ABCA12: variants seen among roughly 807,000 people sequenced by gnomAD.
The protein encoded by ABCA12 is ATP binding cassette subfamily A member 12, also known as glucosylceramide transporter ABCA12.
A neutral mutation model predicts 293.5 loss-of-function variants in ABCA12; 156 were observed. The observed-to-expected ratio is 0.53, with a 90% CI of 0.47 to 0.61. The LOEUF is 0.61. Ranked by LOEUF, ABCA12 falls within the 20% of genes least tolerant of loss-of-function variation. The pLI, the probability that ABCA12 is intolerant of heterozygous loss-of-function variation, is 0.00. For synonymous variants in ABCA12, 1,063 were observed against 1,108.0 expected, an observed-to-expected ratio of 0.96 and a Z score of 0.81; for missense variants, 2,797 against 3,090.2, an observed-to-expected ratio of 0.91 and a Z score of 2.25.
In ABCA12 at chr2:214,948,533, TGGGGG is replaced by T. The variant is rs1275675166; in HGVS notation, c.7104+58_7104+62del. On this transcript the variant is annotated intron_variant, in intron 47 of 52. Transcript: ENST00000272895. Reference sequence around the variant, plus strand: ...AGGGGGGACAGTGGGTGTGGTGGGGTGGGGGATGGAAGTAGAAACAATAATGGTTT... The same window carrying T: ...AGGGGGGACAGTGGGTGTGGTGGGGTATGGAAGTAGAAACAATAATGGTTT... 1.8e-5 allele frequency: 27 copies of T among 1,510,844 alleles called. No individual in the cohort carries two copies. The East Asian group carries it at 6.4e-4, about 36-fold the overall frequency. The allele number at this position is 1,510,844 out of a possible 1,614,324, so 93.6% of individuals were successfully genotyped here. A position where few individuals can be genotyped will look rare whatever the true frequency, so the allele number is the denominator to read the frequency against.
rs376830655 is a variant in ABCA12, at chr2:214,975,633, G to A, written c.5381+152C>T. 2.8e-6 allele frequency: 3 copies of A among 1,067,176 alleles called. No homozygotes were observed. In the South Asian group the frequency reaches 4.4e-5, roughly 15 times the overall value. 66.1% of individuals were successfully genotyped at this position (1,067,176 alleles called of 1,614,324 possible). On this transcript the variant is annotated intron_variant, in intron 34 of 52. Coordinates refer to ENST00000272895, the MANE Select transcript of ABCA12 (RefSeq NM_173076.3). ...TTGTTGGCAATAGAAGTAACATATT[G>A]CAATCAATCAAACTGTTCATTCCTT...
intron 45 of ABCA12, 105 bp downstream of exon 45, chr2:214,950,774 A>C: frequency 2.4e-6 from 3 of 1,269,514 alleles, no homozygotes; most frequent in Non-Finnish European, 1.1e-6. Context: ...CAAAGTGCTA[A>C]GATTACAGGT....
At chr2:215,040,655 G>A (rs952427241) in intron 7 of ABCA12, among the ~76,000 whole-genome samples, 1 of 151,402 alleles carries the variant, frequency 6.6e-6, no homozygotes, top group Non-Finnish European at 1.5e-5. Flanking sequence ...CCAAAAATAC[G>A]AAAAAAATTA....
chr2:215,131,942 T>A (rs1703068693), intron 1 of ABCA12, among the ~76,000 whole-genome samples: 2 of 151,940 alleles, frequency 1.3e-5, no homozygotes, highest in Non-Finnish European at 2.9e-5. Context: ...TGTGTCTTTA[T>A]TTTTATTTGT....
chr2:215,076,965 T>C (rs1701847483), intron 2 of ABCA12, among the ~76,000 whole-genome samples: 1 of 152,038 alleles, frequency 6.6e-6, no homozygotes, highest in Admixed American at 6.6e-5. Context: ...AAACATGTAG[T>C]AAAAAATATA....
intron 34 of ABCA12, among the ~76,000 whole-genome samples, chr2:214,975,553 A>C (rs1310124399): frequency 2.6e-5 from 4 of 152,236 alleles, no homozygotes; most frequent in African/African-American, 9.6e-5. Flanking sequence ...ATTATAAATA[A>C]ATATCTACTA....
chr2:215,119,121 C>CCA (rs1199992920), intron 1 of ABCA12, among the ~76,000 whole-genome samples: 2 of 152,166 alleles, frequency 1.3e-5, no homozygotes, highest in African/African-American at 2.4e-5. Context: ...CAGGCATGTG[C>CCA]CACCACGCCT....
At chr2:214,968,678 T>G in intron 38 of ABCA12, 42 bp downstream of exon 38, 1 of 1,568,352 alleles carries the variant, frequency 6.4e-7, no homozygotes, top group Non-Finnish European at 8.8e-7. Flanking sequence ...CAATTTCACC[T>G]TCTCATTTGT....
At chr2:215,067,522 T>C (rs1230774343) in intron 2 of ABCA12, among the ~76,000 whole-genome samples, 1 of 152,072 alleles carries the variant, frequency 6.6e-6, no homozygotes, top group Non-Finnish European at 1.5e-5. Context: ...TTCCCAAAAG[T>C]CTCATCCCAG....
chr2:215,039,497 T>C (rs1701054388), intron 7 of ABCA12, among the ~76,000 whole-genome samples: 1 of 152,198 alleles, frequency 6.6e-6, no homozygotes, highest in African/African-American at 2.4e-5. Flanking sequence ...GGCTCATGCC[T>C]GTATTCCCAG....
chr2:215,017,300 C>A (rs1483451397), intron 14 of ABCA12, among the ~76,000 whole-genome samples: 1 of 152,092 alleles, frequency 6.6e-6, no homozygotes, highest in Non-Finnish European at 1.5e-5. Flanking sequence ...CACTTCCAGA[C>A]AATGGACTTG....
chr2:215,110,003 A>G (rs1305486529), intron 2 of ABCA12, among the ~76,000 whole-genome samples: 1 of 152,224 alleles, frequency 6.6e-6, no homozygotes, highest in African/African-American at 2.4e-5. Context: ...GCTACTTAAG[A>G]TATGTAGAAA....
At chr2:215,053,746 A>G (rs528881315) in intron 4 of ABCA12, among the ~76,000 whole-genome samples, 10 of 152,176 alleles carry the variant, frequency 6.6e-5, no homozygotes, top group African/African-American at 2.2e-4. Context: ...AGCACCAATC[A>G]TATTTCAACG....
At chr2:215,067,931 A>T (rs1701667151) in intron 2 of ABCA12, among the ~76,000 whole-genome samples, 1 of 152,212 alleles carries the variant, frequency 6.6e-6, no homozygotes, top group Non-Finnish European at 1.5e-5. Context: ...AGAATTACAA[A>T]AAGAATCAGT....
intron 29 of ABCA12, 98 bp from the exon 30 acceptor site, chr2:214,982,481 C>A: frequency 1.1e-6 from 1 of 927,696 alleles, no homozygotes; most frequent in Non-Finnish European, 1.7e-6. Flanking sequence ...CACTAGGTAA[C>A]TATTATGTGC....
intron 51 of ABCA12, among the ~76,000 whole-genome samples, chr2:214,934,650 T>C (rs1190891960): frequency 6.6e-6 from 1 of 152,180 alleles, no homozygotes; most frequent in Admixed American, 6.5e-5. Context: ...GACAGTAGAC[T>C]TCAAAAGCAT....
At chr2:214,978,566 A>T in intron 32 of ABCA12, 100 bp from the exon 33 acceptor site, 1 of 1,441,194 alleles carries the variant, frequency 6.9e-7, no homozygotes, top group Non-Finnish European at 9.5e-7. Context: ...ACATTTACTG[A>T]GACAAATTTT....
At chr2:215,071,196 CAAATAAAATA>C (rs149235929) in intron 2 of ABCA12, among the ~76,000 whole-genome samples, 7,961 of 119,982 alleles carry the variant, frequency 0.066, 393 homozygotes, top group Admixed American at 0.17. Flanking sequence ...GATCCTGTCT[CAAATAAAATA>C]AAATAAAATA....
At chr2:214,969,943 C>T (rs1029224523) in intron 37 of ABCA12, among the ~76,000 whole-genome samples, 4 of 151,828 alleles carry the variant, frequency 2.6e-5, no homozygotes, top group African/African-American at 9.7e-5. Context: ...GGAACTGAGG[C>T]CAATTGTCAT....
Sources: allele counts gnomAD v4.1 joint callset (sites outside exome capture counted in the v4.1 genomes callset), GRCh38; gene constraint gnomAD v4.1.1; transcripts MANE v1.5; gene names NCBI Gene and HGNC (gene_info 2026-07-23, HGNC 2026-07-21).